Variants in MAML2 observed in about 807,000 individuals in gnomAD.
MAML2 encodes mastermind like transcriptional coactivator 2.
Under a neutral mutation model 96.1 loss-of-function variants are expected in MAML2, and 22 were observed. The ratio of observed to expected loss-of-function variants is 0.23; its 90% CI spans 0.16 to 0.33. MAML2 has a LOEUF of 0.33. MAML2 is among the 10% of genes least tolerant of loss of function. The pLI is 1.00. For synonymous variants in MAML2, 561 were observed against 521.3 expected (o/e 1.08, Z -1.04); for missense variants, 1,367 against 1,392.4 (o/e 0.98, Z 0.29).
At chr11:96,001,766 T>C (rs934883798) in intron 2 of MAML2, among the ~76,000 whole-genome samples, 2 of 152,154 alleles carry the variant, frequency 1.3e-5, no homozygotes, top group East Asian at 3.9e-4. Context: ...TGGGATCACG[T>C]CCTAACTCCC....
At chr11:96,314,398 T>A (rs1286296526) in intron 1 of MAML2, among the ~76,000 whole-genome samples, 1 of 152,244 alleles carries the variant, frequency 6.6e-6, no homozygotes, top group Non-Finnish European at 1.5e-5. Flanking sequence ...TAAGTCCTCT[T>A]GATATCCCCT....
At chr11:96,143,327 C>T (rs148501307) in intron 1 of MAML2, among the ~76,000 whole-genome samples, 2 of 152,298 alleles carry the variant, frequency 1.3e-5, no homozygotes, top group East Asian at 3.9e-4. Context: ...GTCAAGAAAT[C>T]TATGCTTTTG....
At chr11:96,122,338 T>C (rs1260889124) in intron 1 of MAML2, among the ~76,000 whole-genome samples, 1 of 151,884 alleles carries the variant, frequency 6.6e-6, no homozygotes, top group Non-Finnish European at 1.5e-5. Context: ...TTCTCCAAAC[T>C]CTTCTGCTCT....
intron 1 of MAML2, among the ~76,000 whole-genome samples, chr11:96,312,665 T>C (rs1055945808): frequency 6.6e-6 from 1 of 152,216 alleles, no homozygotes; most frequent in African/African-American, 2.4e-5. Flanking sequence ...TTTTTTTTAT[T>C]GTGGTGGAAC....
At chr11:96,313,692 C>T (rs936701566) in intron 1 of MAML2, among the ~76,000 whole-genome samples, 2 of 152,280 alleles carry the variant, frequency 1.3e-5, no homozygotes, top group Non-Finnish European at 2.9e-5. Flanking sequence ...GGTTTGTTCA[C>T]TCATCAATAA....
At chr11:96,084,222 G>A (rs1226282426) in intron 2 of MAML2, among the ~76,000 whole-genome samples, 2 of 152,112 alleles carry the variant, frequency 1.3e-5, no homozygotes, top group African/African-American at 2.4e-5. Context: ...ACTTCGGCAG[G>A]ATTCAGATCA....
At chr11:96,030,093 C>T (rs913169820) in intron 2 of MAML2, among the ~76,000 whole-genome samples, 2 of 152,064 alleles carry the variant, frequency 1.3e-5, no homozygotes, top group South Asian at 2.1e-4. Context: ...ATTAGCCGGG[C>T]GTGGTAGCGG....
chr11:96,008,755 G>C (rs1018523643), intron 2 of MAML2, among the ~76,000 whole-genome samples: 1 of 152,182 alleles, frequency 6.6e-6, no homozygotes, highest in African/African-American at 2.4e-5. Context: ...TGTACATGTT[G>C]CCAAATAATT....
chr11:96,329,166 G>T (rs1260636646), intron 1 of MAML2, among the ~76,000 whole-genome samples: 1 of 152,020 alleles, frequency 6.6e-6, no homozygotes, highest in Admixed American at 6.5e-5. Context: ...TATTACAAGT[G>T]TAATTGAGAG....
At chr11:96,269,364 T>C (rs1862880601) in intron 1 of MAML2, among the ~76,000 whole-genome samples, 1 of 144,990 alleles carries the variant, frequency 6.9e-6, no homozygotes, top group Non-Finnish European at 1.5e-5. Flanking sequence ...ATAGCTATTG[T>C]ATGTTATGTT....
chr11:96,163,910 G>A (rs979534356), intron 1 of MAML2, among the ~76,000 whole-genome samples: 8 of 150,082 alleles, frequency 5.3e-5, no homozygotes, highest in African/African-American at 1.2e-4. Context: ...TTGCCCATGC[G>A]GGAGTGCAAT....
chr11:96,227,198 TA>T, intron 1 of MAML2, among the ~76,000 whole-genome samples: 1 of 152,344 alleles, frequency 6.6e-6, no homozygotes, highest in Middle Eastern at 3.4e-3. Flanking sequence ...CTTGACTCCC[TA>T]AAATTATATC....
intron 1 of MAML2, among the ~76,000 whole-genome samples, chr11:96,241,315 C>G (rs1862435225): frequency 6.6e-6 from 1 of 152,202 alleles, no homozygotes; most frequent in Non-Finnish European, 1.5e-5. Flanking sequence ...CTGGGAAGAT[C>G]AGTGCACAGC....
intron 2 of MAML2, among the ~76,000 whole-genome samples, chr11:96,075,006 CAT>C (rs1464327080): frequency 6.6e-6 from 1 of 152,182 alleles, no homozygotes; most frequent in African/African-American, 2.4e-5. Flanking sequence ...AACAAAGAAA[CAT>C]AGCCGGAAAC....
intron 1 of MAML2, among the ~76,000 whole-genome samples, chr11:96,205,806 C>T (rs966410688): frequency 6.6e-6 from 1 of 152,224 alleles, no homozygotes. Context: ...TGTCTTCCTT[C>T]ATCCATCCCT....
chr11:96,309,438 G>A (rs538752431), intron 1 of MAML2, among the ~76,000 whole-genome samples: 1 of 152,262 alleles, frequency 6.6e-6, no homozygotes, highest in African/African-American at 2.4e-5. Context: ...CCCAGTAGCA[G>A]GATTGCTAAG....
chr11:96,123,889 G>C (rs1860392365), intron 1 of MAML2, among the ~76,000 whole-genome samples: 3 of 151,902 alleles, frequency 2.0e-5, no homozygotes, highest in Admixed American at 2.0e-4. Context: ...GCCTAACATG[G>C]TGAAAACCCG....
In MAML2 at chr11:96,031,335, T is replaced by TTGTG. The variant is rs10596374; in HGVS notation, c.2140-39616_2140-39613dup. On this transcript the variant is annotated intron_variant, in intron 2 of 4. Coordinates refer to ENST00000524717, the MANE Select transcript of MAML2 (RefSeq NM_032427.4). ...AGTGTTATTATTTCCATTTAACAGT[T>TTGTG]TGTGTGTGTGTGTGTGTGTGTGTTT... 8.3e-4 allele frequency among the ~76,000 whole-genome samples: 125 copies of TTGTG among 150,336 alleles called. 1 individual carries two copies. The highest frequency in any genetic ancestry group is 2.9e-3 in the East Asian group (15 of 5,120).
intron 1 of MAML2, among the ~76,000 whole-genome samples, chr11:96,175,016 T>C (rs1360436023): frequency 6.6e-6 from 1 of 152,252 alleles, no homozygotes; most frequent in African/African-American, 2.4e-5. Context: ...AGCAGCTCCT[T>C]CTTAGCATGT....
Sources: allele counts gnomAD v4.1 joint callset (sites outside exome capture counted in the v4.1 genomes callset), GRCh38; gene constraint gnomAD v4.1.1; transcripts MANE v1.5; gene names NCBI Gene and HGNC (gene_info 2026-07-23, HGNC 2026-07-21).